DNAAF1: variants seen among roughly 807,000 people sequenced by gnomAD.
The protein encoded by DNAAF1 is dynein axonemal assembly factor 1.
A neutral mutation model predicts 71.1 loss-of-function variants in DNAAF1; 65 were observed. The observed-to-expected ratio is 0.91, with a 90% confidence interval of 0.75 to 1.12. DNAAF1 has a LOEUF of 1.12. Among genes scored for constraint, DNAAF1 ranks in the 50% most tolerant of loss-of-function variants. The pLI, the probability that DNAAF1 is intolerant of heterozygous loss-of-function variation, is 0.00. For synonymous variants in DNAAF1, 414 were observed against 354.6 expected, an observed-to-expected ratio of 1.17 and a Z score of -1.88; for missense variants, 1,178 against 899.8, an observed-to-expected ratio of 1.31 and a Z score of -3.96.
At chr16:84,145,716 C>A (rs987258519) in intron 1 of DNAAF1, 152 bp downstream of exon 1, 17 of 1,080,582 alleles carry the variant, frequency 1.6e-5, no homozygotes, top group Middle Eastern at 3.1e-4. Flanking sequence ...AGGGGCTTCT[C>A]TCGCCATTTC....
intron 1 of DNAAF1, among the ~76,000 whole-genome samples, chr16:84,147,497 C>T (rs1422570585): frequency 3.9e-5 from 6 of 151,920 alleles, no homozygotes; most frequent in Non-Finnish European, 8.8e-5. Context: ...TGTTTCTTTT[C>T]ATGTGATTTT....
At chr16:84,177,645 G>T in intron 11 of DNAAF1, 84 bp from the exon 12 acceptor site, 3 of 1,188,120 alleles carry the variant, frequency 2.5e-6, no homozygotes, top group Non-Finnish European at 2.5e-6. Flanking sequence ...ACTGAATTTG[G>T]CCTGGACTGA....
chr16:84,163,068 C>T (rs781016125), intron 6 of DNAAF1, among the ~76,000 whole-genome samples: 6 of 152,188 alleles, frequency 3.9e-5, no homozygotes, highest in Non-Finnish European at 7.3e-5. Context: ...CCAAATGATA[C>T]TGCATTTTGA....
chr16:84,145,913 T>G (rs1167402981), intron 1 of DNAAF1, among the ~76,000 whole-genome samples: 1 of 151,952 alleles, frequency 6.6e-6, no homozygotes, highest in Non-Finnish European at 1.5e-5. Context: ...CTGGCCAACA[T>G]AGTGAAACCC....
intron 7 of DNAAF1, among the ~76,000 whole-genome samples, chr16:84,169,124 ACC>A (rs2088185836): frequency 8.4e-6 from 1 of 119,520 alleles, no homozygotes; most frequent in Admixed American, 1.2e-4. Context: ...TCACTTCATC[ACC>A]CAGACTACAA....
chr16:84,171,542 A>G (rs1245450396), intron 8 of DNAAF1, among the ~76,000 whole-genome samples: 1 of 152,200 alleles, frequency 6.6e-6, no homozygotes, highest in Admixed American at 6.5e-5. Context: ...AGGCGATCTC[A>G]CAGTTATGAA....
intron 3 of DNAAF1, among the ~76,000 whole-genome samples, chr16:84,153,945 C>T (rs2087296369): frequency 6.6e-6 from 1 of 152,116 alleles, no homozygotes; most frequent in Non-Finnish European, 1.5e-5. Context: ...GACTACCAGT[C>T]TTTTCAGCAA....
chr16:84,152,260 C>G (rs1567537963), intron 3 of DNAAF1, among the ~76,000 whole-genome samples: 1 of 152,148 alleles, frequency 6.6e-6, no homozygotes, highest in African/African-American at 2.4e-5. Flanking sequence ...GGGAGAAAAA[C>G]CAGAATGTCA....
In DNAAF1 at chr16:84,170,322, CCCA is replaced by C. The variant is rs749172597; in HGVS notation, c.1503_1505del (p.Pro503del). Reference sequence around the variant, plus strand: ...CAGAGGGGACCCTCCCAGCTGAGGCCCCACCACCACCGCCCCTGGGAGCTGCCA... The same window carrying C: ...CAGAGGGGACCCTCCCAGCTGAGGCCCCACCACCGCCCCTGGGAGCTGCCA... On this transcript the variant is annotated inframe_deletion, in exon 8 of 12. Coordinates refer to ENST00000378553, the MANE Select transcript of DNAAF1 (RefSeq NM_178452.6). 3.7e-6 allele frequency: 6 copies of C among 1,611,756 alleles called. No individual in the cohort carries two copies. The highest frequency in any genetic ancestry group is 2.7e-5 in the African/African-American group (2 of 74,892).
chr16:84,164,498 A>G (rs1216225718), intron 6 of DNAAF1, among the ~76,000 whole-genome samples: 1 of 152,228 alleles, frequency 6.6e-6, no homozygotes. Context: ...CTAGAAAGTC[A>G]TATAGCTGGA....
At chr16:84,158,564 A>G (rs768066363) in intron 5 of DNAAF1, among the ~76,000 whole-genome samples, 5 of 152,280 alleles carry the variant, frequency 3.3e-5, no homozygotes, top group Non-Finnish European at 5.9e-5. Flanking sequence ...GCCCAGAACG[A>G]AAGCAGGTTG....
At chr16:84,169,394 A>T (rs559174658) in intron 7 of DNAAF1, among the ~76,000 whole-genome samples, 28 of 151,366 alleles carry the variant, frequency 1.8e-4, no homozygotes, top group Non-Finnish European at 2.9e-4. Context: ...CGCCTCGAGG[A>T]CACTTTTTAA....
rs776671436 is a variant in DNAAF1, at chr16:84,174,649, C to A, written c.1645-20C>A. 7 of 1,614,032 alleles carry A rather than the reference C, an allele frequency of 4.3e-6. No homozygotes were observed. Among genetic ancestry groups the A allele is most frequent in the Non-Finnish European group, 5.1e-6 (6 of 1,179,986 alleles). ...GTGCGTGTACCTCCCTGGTGATGTG[C>A]GGCTCACTTGCTCTTTCAGGACCTA... On this transcript the variant is annotated intron_variant, in intron 9 of 11. Coordinates refer to ENST00000378553, the MANE Select transcript of DNAAF1 (RefSeq NM_178452.6).
chr16:84,161,323 C>T (rs1447733606), intron 6 of DNAAF1, among the ~76,000 whole-genome samples: 1 of 152,140 alleles, frequency 6.6e-6, no homozygotes, highest in East Asian at 1.9e-4. Flanking sequence ...TGGATGTTAG[C>T]AATAGGAGCC....
chr16:84,155,175 T>C (rs1023083797), intron 4 of DNAAF1, among the ~76,000 whole-genome samples: 5 of 152,228 alleles, frequency 3.3e-5, no homozygotes, highest in African/African-American at 4.8e-5. Flanking sequence ...CCCAAAGTGC[T>C]GGGATTACAG....
chr16:84,164,104 C>T (rs745646479), intron 6 of DNAAF1, among the ~76,000 whole-genome samples: 3 of 152,140 alleles, frequency 2.0e-5, no homozygotes, highest in Non-Finnish European at 2.9e-5. Context: ...TGCATCTGGC[C>T]TAGACTTTAT....
At chr16:84,148,596 C>CTTTTTTT (rs765676142) in intron 1 of DNAAF1, among the ~76,000 whole-genome samples, 5,039 of 43,430 alleles carry the variant, frequency 0.12, 1,235 homozygotes, top group Non-Finnish European at 0.17. Context: ...CTCTCTCTCT[C>CTTTTTTT]TTTTTTTTTT....
chr16:84,171,865 A>G (rs1597480830), intron 8 of DNAAF1, among the ~76,000 whole-genome samples: 1 of 148,722 alleles, frequency 6.7e-6, no homozygotes. Flanking sequence ...TTGGGCCCTG[A>G]GGAGGGTTTT....
chr16:84,174,354 T>A, intron 9 of DNAAF1: 1 of 1,275,460 alleles, frequency 7.8e-7, no homozygotes, highest in Non-Finnish European at 1.0e-6. Context: ...TTGGTTTGGG[T>A]CCCATTATTT....
Sources: allele counts gnomAD v4.1 joint callset (sites outside exome capture counted in the v4.1 genomes callset), GRCh38; gene constraint gnomAD v4.1.1; transcripts MANE v1.5; gene names NCBI Gene and HGNC (gene_info 2026-07-23, HGNC 2026-07-21).